GALNTL6: variants seen among roughly 807,000 people sequenced by gnomAD.
GALNTL6 encodes polypeptide N-acetylgalactosaminyltransferase like 6.
In GALNTL6, 46 loss-of-function variants were observed where a neutral mutation model predicts 73.7. The observed-to-expected ratio is 0.62, with a 90% CI of 0.49 to 0.80. The LOEUF is 0.80. Ranked by LOEUF, GALNTL6 falls within the 30% of genes least tolerant of loss-of-function variation. The pLI, the probability that GALNTL6 is intolerant of heterozygous loss-of-function variation, is 0.00. For synonymous variants in GALNTL6, 259 were observed against 263.7 expected (o/e 0.98, Z 0.17); for missense variants, 604 against 755.0 (o/e 0.80, Z 2.34).
At chr4:172,476,078 G>A (rs774213836) in intron 5 of GALNTL6, among the ~76,000 whole-genome samples, 1 of 152,174 alleles carries the variant, frequency 6.6e-6, no homozygotes, top group South Asian at 2.1e-4. Context: ...ATATCCAGTC[G>A]AATTGGAGCT....
chr4:172,039,465 G>T (rs1377740239), intron 2 of GALNTL6, among the ~76,000 whole-genome samples: 1 of 152,118 alleles, frequency 6.6e-6, no homozygotes, highest in African/African-American at 2.4e-5. Context: ...TGTGTATTTT[G>T]CCAGAAGCAT....
intron 2 of GALNTL6, among the ~76,000 whole-genome samples, chr4:171,892,328 T>C (rs77461407): frequency 0.02 from 3,025 of 152,222 alleles, 86 homozygotes; most frequent in African/African-American, 0.069. Flanking sequence ...CAAGCAACAA[T>C]AGCTTCTCAA....
intron 5 of GALNTL6, among the ~76,000 whole-genome samples, chr4:172,489,902 A>G (rs1237909274): frequency 2.6e-5 from 4 of 152,214 alleles, no homozygotes; most frequent in East Asian, 1.9e-4. Context: ...GTACTTTACC[A>G]TGCTACATAT....
chr4:172,386,369 A>G (rs1050806325), intron 5 of GALNTL6, among the ~76,000 whole-genome samples: 8 of 152,130 alleles, frequency 5.3e-5, no homozygotes, highest in African/African-American at 9.7e-5. Flanking sequence ...TAAGATGACC[A>G]TCTTCTCATT....
rs1168076214 is a variant in GALNTL6, at chr4:173,015,572, ATGCAAAGAGACTGG to A, written c.1489-5901_1489-5888del. On this transcript the variant is annotated intron_variant, in intron 11 of 12. Coordinates refer to ENST00000506823, the MANE Select transcript of GALNTL6 (RefSeq NM_001034845.3). ...AACTGGAGTAAAAGTCACTCTTGTT[ATGCAAAGAGACTGG>A]TGGCATTTTGCCCCTGCCCTAGAGA... 8.5e-5 allele frequency among the ~76,000 whole-genome samples: 13 copies of A among 152,338 alleles called. No homozygotes were observed. The East Asian group carries it at 1.9e-3, about 23-fold the overall frequency.
rs569192862 is a variant in GALNTL6, at chr4:171,971,469, A to G, written c.138+156751A>G. On this transcript the variant is annotated intron_variant, in intron 2 of 12. Coordinates refer to ENST00000506823, the MANE Select transcript of GALNTL6 (RefSeq NM_001034845.3). ...AATTGGGACATTTAGGACAGGGAGA[A>G]GATTCCTTATGCATTTTCTGATAGT... Among the ~76,000 whole-genome samples, 3 of 152,326 alleles carry G rather than the reference A, an allele frequency of 2.0e-5. No individual in the cohort carries two copies. In the East Asian group the frequency reaches 5.8e-4, roughly 29 times the overall value.
At chr4:172,960,719 T>C (rs1419499765) in intron 10 of GALNTL6, among the ~76,000 whole-genome samples, 1 of 152,142 alleles carries the variant, frequency 6.6e-6, no homozygotes, top group Non-Finnish European at 1.5e-5. Flanking sequence ...AAATCAAAAG[T>C]GCCATTTTCT....
At chr4:171,869,558 T>C (rs1291437982) in intron 2 of GALNTL6, among the ~76,000 whole-genome samples, 7 of 152,192 alleles carry the variant, frequency 4.6e-5, no homozygotes, top group African/African-American at 1.7e-4. Flanking sequence ...AAATTTTTAC[T>C]GCATTGCAAT....
intron 10 of GALNTL6, among the ~76,000 whole-genome samples, chr4:172,963,427 A>G (rs1355019408): frequency 6.6e-6 from 1 of 152,114 alleles, no homozygotes; most frequent in Admixed American, 6.5e-5. Context: ...TTATTTTTTT[A>G]TCATGTTTCT....
rs1368451401 is a variant in GALNTL6, at chr4:172,453,399, A to C, written c.553+104710A>C. On this transcript the variant is annotated intron_variant, in intron 5 of 12. Transcript: ENST00000506823. The stretch of plus-strand genomic sequence containing the variant: ...TCATTTTAAAAAGTATTATGCTTGA[A>C]ATGCTGATTATTTTAGCTATAAATC... 4.6e-5 allele frequency among the ~76,000 whole-genome samples: 7 copies of C among 152,362 alleles called. No individual in the cohort carries two copies. In the East Asian group the frequency reaches 1.4e-3, roughly 29 times the overall value.
chr4:172,841,631 G>A (rs1206792124), intron 7 of GALNTL6, among the ~76,000 whole-genome samples: 1 of 152,148 alleles, frequency 6.6e-6, no homozygotes, highest in Non-Finnish European at 1.5e-5. Context: ...ACGGTGGCTG[G>A]AGAGAGAGAG....
At chr4:172,005,243 G>T (rs1038192867) in intron 2 of GALNTL6, among the ~76,000 whole-genome samples, 1 of 151,994 alleles carries the variant, frequency 6.6e-6, no homozygotes, top group Non-Finnish European at 1.5e-5. Context: ...TCCCACCTCA[G>T]CCTCCCAAAT....
At chr4:171,906,674 T>G (rs1387373456) in intron 2 of GALNTL6, among the ~76,000 whole-genome samples, 2 of 152,182 alleles carry the variant, frequency 1.3e-5, no homozygotes, top group Non-Finnish European at 2.9e-5. Context: ...TACCAAAGCC[T>G]GGCAGAGACA....
At chr4:172,640,462 T>C (rs1739920788) in intron 5 of GALNTL6, among the ~76,000 whole-genome samples, 1 of 152,126 alleles carries the variant, frequency 6.6e-6, no homozygotes, top group Non-Finnish European at 1.5e-5. Flanking sequence ...CATAACAAAA[T>C]ACCATAGACT....
At chr4:173,011,891 C>A (rs181723390) in intron 11 of GALNTL6, among the ~76,000 whole-genome samples, 30 of 152,216 alleles carry the variant, frequency 2.0e-4, no homozygotes, top group Non-Finnish European at 2.5e-4. Flanking sequence ...TGCCTTTGCT[C>A]TCTTTTAGCG....
At chr4:172,733,271 T>A (rs1326876415) in intron 5 of GALNTL6, among the ~76,000 whole-genome samples, 2 of 152,316 alleles carry the variant, frequency 1.3e-5, no homozygotes, top group East Asian at 3.9e-4. Context: ...CCAGTATGGT[T>A]TCTCTTGAGA....
At chr4:172,878,900 AAGAT>A (rs745349761) in intron 7 of GALNTL6, among the ~76,000 whole-genome samples, 6 of 151,868 alleles carry the variant, frequency 4.0e-5, no homozygotes, top group Non-Finnish European at 8.9e-5. Context: ...TAAAAGTAAA[AAGAT>A]AGAAAAAGTT....
At chr4:171,899,129 A>G (rs896757578) in intron 2 of GALNTL6, among the ~76,000 whole-genome samples, 16 of 47,016 alleles carry the variant, frequency 3.4e-4, no homozygotes, top group African/African-American at 1.7e-3. Flanking sequence ...ATCTATACAA[A>G]TTAATTTTTA....
chr4:172,588,389 T>G (rs529100196), intron 5 of GALNTL6, among the ~76,000 whole-genome samples: 3 of 152,098 alleles, frequency 2.0e-5, no homozygotes, highest in African/African-American at 7.2e-5. Flanking sequence ...AGGCCAGGAT[T>G]TCGAGACCAG....
Sources: gnomAD v4.1 joint callset for allele counts (sites outside exome capture counted in the v4.1 genomes callset) on GRCh38, gnomAD v4.1.1 for gene constraint, MANE v1.5 for transcripts, NCBI Gene and HGNC (gene_info 2026-07-23, HGNC 2026-07-21) for gene names.